The following TMEFF2 variants were observed in gnomAD, a reference collection of about 807,000 sequenced individuals.
The protein encoded by TMEFF2 is tomoregulin-2.
Under a neutral mutation model 53.8 loss-of-function variants are expected in TMEFF2, and 28 were observed. The observed-to-expected ratio is 0.52, with a 90% CI of 0.39 to 0.71. TMEFF2 has a LOEUF of 0.71. Among genes scored for constraint, TMEFF2 ranks in the 30% least tolerant of loss-of-function variants. The pLI is 0.00. For synonymous variants in TMEFF2, 162 were observed against 166.3 expected (o/e 0.97, Z 0.20); for missense variants, 353 against 455.2 (o/e 0.78, Z 2.04).
chr2:191,971,252 C>T (rs1692631604), intron 7 of TMEFF2, among the ~76,000 whole-genome samples: 1 of 152,192 alleles, frequency 6.6e-6, no homozygotes, highest in Admixed American at 6.5e-5. Context: ...ACAGGTTTAA[C>T]ACCCTCCAGG....
chr2:192,164,754 T>C (rs886622017), intron 4 of TMEFF2, among the ~76,000 whole-genome samples: 11 of 151,318 alleles, frequency 7.3e-5, no homozygotes, highest in Non-Finnish European at 1.3e-4. Context: ...GTAACCACAC[T>C]CTGAAATGTT....
chr2:192,171,963 C>G (rs1041997185), intron 4 of TMEFF2, among the ~76,000 whole-genome samples: 22 of 136,478 alleles, frequency 1.6e-4, no homozygotes, highest in Non-Finnish European at 3.0e-4. Flanking sequence ...GGTGCAATGT[C>G]CACCTTCTTC....
intron 4 of TMEFF2, 47 bp from the exon 5 acceptor site, chr2:192,057,822 A>G: frequency 1.4e-6 from 2 of 1,434,974 alleles, no homozygotes; most frequent in Admixed American, 1.7e-5. Context: ...ATTGTGCATT[A>G]TATCTACAAC....
intron 7 of TMEFF2, among the ~76,000 whole-genome samples, chr2:191,996,597 A>T (rs1049352879): frequency 2.0e-5 from 3 of 151,860 alleles, no homozygotes; most frequent in African/African-American, 7.2e-5. Context: ...GGATCAGCAT[A>T]TCACAATGTA....
At chr2:191,999,257 C>T (rs1308852419) in intron 5 of TMEFF2, 49 bp from the exon 6 acceptor site, 3 of 1,411,182 alleles carry the variant, frequency 2.1e-6, no homozygotes, top group Non-Finnish European at 2.9e-6. Flanking sequence ...GTGTTGTTAC[C>T]ACATTATAAA....
rs144289085 is a variant in TMEFF2, at chr2:191,955,410, G to A, written c.869+845C>T. ...GTTGCCCAGGCTGGAGTGTAGTGGT[G>A]TGACCATAGCTCACTGCAGGCTTGA... On this transcript the variant is annotated intron_variant, in intron 8 of 9. Coordinates refer to ENST00000272771, the MANE Select transcript of TMEFF2 (RefSeq NM_016192.4). 5.4e-3 allele frequency among the ~76,000 whole-genome samples: 812 copies of A among 150,666 alleles called. 6 individuals are homozygous for A. Among genetic ancestry groups the A allele is most frequent in the African/African-American group, 0.018 (757 of 41,116 alleles).
At chr2:191,966,952 GCA>G (rs1313000810) in intron 7 of TMEFF2, among the ~76,000 whole-genome samples, 2 of 151,678 alleles carry the variant, frequency 1.3e-5, no homozygotes, top group Admixed American at 6.6e-5. Context: ...GCTTTCTTGA[GCA>G]CAGTCTCAAA....
At chr2:192,128,396 T>G (rs529645829) in intron 4 of TMEFF2, among the ~76,000 whole-genome samples, 1 of 152,346 alleles carries the variant, frequency 6.6e-6, no homozygotes, top group Admixed American at 6.5e-5. Context: ...TCAAATTTAC[T>G]TTTAATATTG....
At chr2:191,976,250 A>T (rs1437712659) in intron 7 of TMEFF2, among the ~76,000 whole-genome samples, 2 of 152,210 alleles carry the variant, frequency 1.3e-5, no homozygotes, top group Non-Finnish European at 2.9e-5. Flanking sequence ...AAATGGGGAT[A>T]ATCATAGTAT....
At chr2:192,131,714 C>T (rs937245901) in intron 4 of TMEFF2, among the ~76,000 whole-genome samples, 2 of 152,076 alleles carry the variant, frequency 1.3e-5, no homozygotes, top group African/African-American at 4.8e-5. Flanking sequence ...ACCTTCCATT[C>T]CTCCTCCTTC....
intron 4 of TMEFF2, among the ~76,000 whole-genome samples, chr2:192,069,931 A>G (rs914990743): frequency 2.8e-5 from 4 of 142,684 alleles, no homozygotes; most frequent in Admixed American, 1.4e-4. Context: ...TTGGAAATTA[A>G]TCAATTTCCC....
At chr2:192,125,899 GGAA>G (rs1305060576) in intron 4 of TMEFF2, among the ~76,000 whole-genome samples, 1 of 152,218 alleles carries the variant, frequency 6.6e-6, no homozygotes, top group East Asian at 1.9e-4. Context: ...GCAAGCATCA[GGAA>G]GAATAGCTAA....
intron 5 of TMEFF2, chr2:192,032,622 C>T (rs529513900): frequency 6.6e-6 from 1 of 152,278 alleles, no homozygotes; most frequent in East Asian, 1.9e-4. Flanking sequence ...AAGGTCCCAT[C>T]CAGCCCATTT....
rs1691540068 is a variant in TMEFF2, at chr2:192,194,036, T to C, written c.172+317A>G. On this transcript the variant is annotated intron_variant, in intron 1 of 9. Coordinates refer to ENST00000272771, the MANE Select transcript of TMEFF2 (RefSeq NM_016192.4). The surrounding 1 kb of genome is among the most constrained non-coding windows in gnomAD (Gnocchi z 4.2). Reference sequence around the variant, plus strand: ...TTCTGTTTCAGTGTTTCCCCTAGGATTGGTGCTCTTTCAAAACAGTGAACC... The same window carrying C: ...TTCTGTTTCAGTGTTTCCCCTAGGACTGGTGCTCTTTCAAAACAGTGAACC... Among the ~76,000 whole-genome samples, 1 of 152,200 alleles carries C rather than the reference T, an allele frequency of 6.6e-6. No individual in the cohort carries two copies. The highest frequency in any genetic ancestry group is 2.4e-5 in the African/African-American group (1 of 41,462).
At chr2:191,965,465 T>A (rs919671514) in intron 7 of TMEFF2, among the ~76,000 whole-genome samples, 1 of 152,170 alleles carries the variant, frequency 6.6e-6, no homozygotes, top group Non-Finnish European at 1.5e-5. Flanking sequence ...TCGAAATATG[T>A]TTTCCACCTA....
chr2:192,173,797 A>T (rs1690972547), intron 4 of TMEFF2, among the ~76,000 whole-genome samples: 1 of 151,818 alleles, frequency 6.6e-6, no homozygotes, highest in African/African-American at 2.4e-5. Context: ...GGATTCTTAG[A>T]GTTATTACTA....
At chr2:191,999,033 T>C in intron 6 of TMEFF2, 27 bp downstream of exon 6, 2 of 1,569,038 alleles carry the variant, frequency 1.3e-6, no homozygotes, top group South Asian at 1.2e-5. Flanking sequence ...AATCATTCTT[T>C]GAAATGAATT....
At chr2:192,168,848 T>C (rs76324948) in intron 4 of TMEFF2, among the ~76,000 whole-genome samples, 1,635 of 152,204 alleles carry the variant, frequency 0.011, 11 homozygotes, top group Non-Finnish European at 0.017. Context: ...GTTTAAATTT[T>C]TGGTTTTATT....
At chr2:192,037,277 GAAAGAAAGAAAGAAAGAAAGAAA>G (rs1687325832) in intron 5 of TMEFF2, among the ~76,000 whole-genome samples, 2 of 95,754 alleles carry the variant, frequency 2.1e-5, no homozygotes, top group Admixed American at 2.1e-4. Context: ...CCAAAATAAA[GAAAGAAAGAAAGAAAGAAAGAAA>G]GAAAGAAAGA....
Sources: gnomAD v4.1 joint callset for allele counts (sites outside exome capture counted in the v4.1 genomes callset) on GRCh38, gnomAD v4.1.1 for gene constraint, Gnocchi (gnomAD v3.1) non-coding constraint, MANE v1.5 for transcripts, NCBI Gene and HGNC (gene_info 2026-07-23, HGNC 2026-07-21) for gene names.